Variants in LMO7 observed in about 807,000 individuals in gnomAD.
LMO7 encodes the protein LIM domain only protein 7.
Under a neutral mutation model 206.5 loss-of-function variants are expected in LMO7, and 120 were observed. The ratio of observed to expected loss-of-function variants is 0.58; its 90% CI spans 0.50 to 0.68. LMO7 has a LOEUF of 0.68. Among genes scored for constraint, LMO7 ranks in the 30% least tolerant of loss-of-function variants. The pLI is 0.00. For missense variants in LMO7, 1,959 were observed against 1,957.9 expected (o/e 1.00, Z -0.01); for synonymous variants, 706 against 681.5 (o/e 1.04, Z -0.56).
intron 24 of LMO7, among the ~76,000 whole-genome samples, chr13:75,842,335 T>G (rs1226479219): frequency 6.6e-6 from 1 of 152,150 alleles, no homozygotes; most frequent in Non-Finnish European, 1.5e-5. Context: ...ACTTTTGTAT[T>G]TTCTAGTTCA....
intron 11 of LMO7, among the ~76,000 whole-genome samples, chr13:75,812,880 A>C (rs77526453): frequency 0.033 from 4,963 of 152,370 alleles, 139 homozygotes; most frequent in Middle Eastern, 0.13. Flanking sequence ...TTGCCAGCTA[A>C]TCATCCTTCA....
intron 1 of LMO7, among the ~76,000 whole-genome samples, chr13:75,691,931 A>G (rs898990235): frequency 1.1e-4 from 16 of 152,042 alleles, no homozygotes; most frequent in African/African-American, 3.1e-4. Flanking sequence ...TAACTTCCCA[A>G]TTCCATGACC....
At chr13:75,708,827 A>AG (rs763810153) in intron 1 of LMO7, among the ~76,000 whole-genome samples, 2 of 151,800 alleles carry the variant, frequency 1.3e-5, no homozygotes, top group Non-Finnish European at 2.9e-5. Context: ...TTTAAGTTTT[A>AG]GGGTACATGT....
chr13:75,837,265 A>G (rs531855470), intron 19 of LMO7, among the ~76,000 whole-genome samples: 3 of 152,316 alleles, frequency 2.0e-5, no homozygotes, highest in African/African-American at 7.2e-5. Context: ...AGAAGTGACT[A>G]TATTTTGTTT....
intron 1 of LMO7, among the ~76,000 whole-genome samples, chr13:75,695,996 T>C (rs1024219084): frequency 8.5e-5 from 13 of 152,256 alleles, no homozygotes; most frequent in Non-Finnish European, 1.8e-4. Context: ...GTACTCAGAA[T>C]GTGCCAGCAG....
rs35183302 is a variant in LMO7, at chr13:75,822,825, A to AAT, written c.2641-722_2641-721dup. ...TCTAAAAATTATATATATATAATAA[A>AAT]ATATATATATATATATATAAAACTT... On this transcript the variant is annotated intron_variant, in intron 14 of 30. Transcript: ENST00000377534. Among the ~76,000 whole-genome samples the AAT allele has an allele frequency of 7.5e-3, 992 of 132,874 alleles. 8 individuals are homozygous for AAT. Among genetic ancestry groups the AAT allele is most frequent in the African/African-American group, 0.019 (659 of 35,562 alleles). The allele number at this position is 132,874 out of a possible 152,430, so 87.2% of individuals were successfully genotyped here. A position where few individuals can be genotyped will look rare whatever the true frequency, so the allele number is the denominator to read the frequency against.
At chr13:75,738,717 A>G (rs550689605) in intron 3 of LMO7, among the ~76,000 whole-genome samples, 31 of 152,262 alleles carry the variant, frequency 2.0e-4, no homozygotes, top group Middle Eastern at 3.4e-3. Context: ...TTTTTAAAAA[A>G]CCCAATCTCA....
At chr13:75,762,554 T>G (rs1566404742) in intron 4 of LMO7, among the ~76,000 whole-genome samples, 1 of 152,160 alleles carries the variant, frequency 6.6e-6, no homozygotes, top group Non-Finnish European at 1.5e-5. Flanking sequence ...GGCTCCCAAG[T>G]CCAAGAGTTC....
At chr13:75,642,686 T>A in intron 1 of LMO7, among the ~76,000 whole-genome samples, 1 of 152,126 alleles carries the variant, frequency 6.6e-6, no homozygotes, top group East Asian at 1.9e-4. Context: ...AAAACGGTTC[T>A]TGATACACAT....
upstream of LMO7, among the ~76,000 whole-genome samples, chr13:75,633,771 ATTG>A (rs904970082): frequency 6.8e-6 from 1 of 147,598 alleles, no homozygotes; most frequent in Non-Finnish European, 1.5e-5. Flanking sequence ...GTTGATAATT[ATTG>A]TTAGTTTTAG....
At chr13:75,672,637 G>C (rs1366470611) in intron 1 of LMO7, among the ~76,000 whole-genome samples, 1 of 152,196 alleles carries the variant, frequency 6.6e-6, no homozygotes, top group Non-Finnish European at 1.5e-5. Flanking sequence ...GGTTCCAACA[G>C]TAGGGTAACT....
intron 2 of LMO7, among the ~76,000 whole-genome samples, chr13:75,714,377 G>T (rs1344341347): frequency 6.6e-6 from 1 of 152,146 alleles, no homozygotes; most frequent in East Asian, 1.9e-4. Flanking sequence ...ATCAAACTTT[G>T]TATATATACA....
At chr13:75,714,155 A>T (rs1235549549) in intron 2 of LMO7, among the ~76,000 whole-genome samples, 1 of 152,166 alleles carries the variant, frequency 6.6e-6, no homozygotes. Context: ...TTTGCAGCAA[A>T]AGGTCTGGAG....
At chr13:75,831,404 A>G (rs535952780) in intron 15 of LMO7, among the ~76,000 whole-genome samples, 19 of 152,332 alleles carry the variant, frequency 1.2e-4, no homozygotes, top group Admixed American at 3.9e-4. Context: ...CTGCCTGTCC[A>G]TATAGAGTAG....
At chr13:75,787,970 C>G (rs985090933) in intron 4 of LMO7, among the ~76,000 whole-genome samples, 2 of 152,156 alleles carry the variant, frequency 1.3e-5, no homozygotes, top group Non-Finnish European at 2.9e-5. Flanking sequence ...GCACTTTTCT[C>G]TATTTTAAAT....
In LMO7 at chr13:75,659,612, A is replaced by G. The variant is rs545881713; in HGVS notation, c.69+22886A>G. ...CACTATGACAAGAATAGCACGGGAA[A>G]GACCGGCCCACATGATTCAATTACC... On this transcript the variant is annotated intron_variant, in intron 1 of 30. Coordinates refer to ENST00000377534, the MANE Select transcript of LMO7 (RefSeq NM_001306080.2). Among the ~76,000 whole-genome samples the G allele has an allele frequency of 3.3e-5, 5 of 152,322 alleles. No homozygotes were observed. In the East Asian group the frequency reaches 9.6e-4, roughly 29 times the overall value.
chr13:75,672,214 C>T (rs1051810019), intron 1 of LMO7, among the ~76,000 whole-genome samples: 3 of 151,370 alleles, frequency 2.0e-5, no homozygotes, highest in Non-Finnish European at 4.4e-5. Flanking sequence ...TATATATTGG[C>T]CCATAAAGTG....
chr13:75,687,173 T>C (rs1374840403), intron 1 of LMO7, among the ~76,000 whole-genome samples: 1 of 152,202 alleles, frequency 6.6e-6, no homozygotes, highest in Non-Finnish European at 1.5e-5. Context: ...TGTGACTGTT[T>C]CCAGGATTTG....
chr13:75,799,390 TTATC>T (rs1272434619), intron 6 of LMO7, among the ~76,000 whole-genome samples: 3 of 152,222 alleles, frequency 2.0e-5, no homozygotes, highest in Non-Finnish European at 4.4e-5. Context: ...ACATATGTGT[TTATC>T]CATCCATCTA....
Sources: gnomAD v4.1 joint callset for allele counts (sites outside exome capture counted in the v4.1 genomes callset) on GRCh38, gnomAD v4.1.1 for gene constraint, MANE v1.5 for transcripts, NCBI Gene and HGNC (gene_info 2026-07-23, HGNC 2026-07-21) for gene names.